KCNH1: variants seen among roughly 807,000 people sequenced by gnomAD.
KCNH1 encodes voltage-gated delayed rectifier potassium channel KCNH1.
KCNH1 carries 27 observed loss-of-function variants against 69.2 expected under a neutral mutation model. That is an observed-to-expected ratio of 0.39 (90% CI 0.29 to 0.54). The LOEUF is 0.54. Ranked by LOEUF, KCNH1 falls within the 20% of genes least tolerant of loss-of-function variation. KCNH1 has a pLI of 0.68. For synonymous variants in KCNH1, 456 were observed against 487.7 expected, an observed-to-expected ratio of 0.93 and a Z score of 0.86; for missense variants, 798 against 1,261.6, an observed-to-expected ratio of 0.63 and a Z score of 5.57.
At chr1:210,974,365 A>T (rs1688563576) in intron 6 of KCNH1, among the ~76,000 whole-genome samples, 1 of 152,092 alleles carries the variant, frequency 6.6e-6, no homozygotes, top group African/African-American at 2.4e-5. Context: ...TGTATTCCTC[A>T]GATAAATCTC....
intron 7 of KCNH1, among the ~76,000 whole-genome samples, chr1:210,827,086 C>A (rs1685047779): frequency 6.6e-6 from 1 of 152,198 alleles, no homozygotes; most frequent in Non-Finnish European, 1.5e-5. Flanking sequence ...GCCTGTAATC[C>A]CAGTATTTTG....
At chr1:210,770,779 G>C (rs1683738691) in intron 10 of KCNH1, among the ~76,000 whole-genome samples, 1 of 152,226 alleles carries the variant, frequency 6.6e-6, no homozygotes, top group African/African-American at 2.4e-5. Flanking sequence ...AGCTACTCCT[G>C]AAAAGTTAAC....
At chr1:210,730,056 G>A (rs1682707183) in intron 10 of KCNH1, among the ~76,000 whole-genome samples, 1 of 152,162 alleles carries the variant, frequency 6.6e-6, no homozygotes, top group African/African-American at 2.4e-5. Context: ...TAAAGCCAAT[G>A]TCTTACTCTA....
rs35891554 is a variant in KCNH1, at chr1:211,020,945, T to TAAA, written c.559-1692_559-1690dup. ...GATAAAATTCGATATCCTTTCATGA[T>TAAA]AAAAAAAACTCAACAAATGAGGTAT... On this transcript the variant is annotated intron_variant, in intron 5 of 10. Transcript: ENST00000271751. 6.9e-4 allele frequency among the ~76,000 whole-genome samples: 105 copies of TAAA among 151,968 alleles called. 2 individuals carry two copies. The East Asian group carries it at 0.014, about 20-fold the overall frequency.
At chr1:211,094,784 G>A (rs2102476588) in intron 3 of KCNH1, among the ~76,000 whole-genome samples, 1 of 152,272 alleles carries the variant, frequency 6.6e-6, no homozygotes, top group African/African-American at 2.4e-5. Context: ...TGAGTAGAAT[G>A]GGCTTAAATT....
At chr1:210,948,047 A>C (rs529799859) in intron 6 of KCNH1, among the ~76,000 whole-genome samples, 1 of 140,540 alleles carries the variant, frequency 7.1e-6, no homozygotes, top group East Asian at 2.0e-4. Flanking sequence ...ATCCCTATTA[A>C]AAAAAAAAAA....
chr1:211,064,645 A>G (rs1690495822), intron 5 of KCNH1, among the ~76,000 whole-genome samples: 1 of 152,148 alleles, frequency 6.6e-6, no homozygotes, highest in Non-Finnish European at 1.5e-5. Flanking sequence ...ATACAATTAT[A>G]TCAAGCTAAA....
intron 6 of KCNH1, among the ~76,000 whole-genome samples, chr1:210,928,705 G>A (rs1051648433): frequency 1.3e-5 from 2 of 151,894 alleles, no homozygotes; most frequent in African/African-American, 2.4e-5. Flanking sequence ...AACAAAGATA[G>A]AGCAGAACTA....
At chr1:211,050,637 T>G (rs916504379) in intron 5 of KCNH1, among the ~76,000 whole-genome samples, 1 of 152,338 alleles carries the variant, frequency 6.6e-6, no homozygotes, top group Middle Eastern at 3.4e-3. Context: ...TCAGTTGTAT[T>G]CTTTTAACTT....
chr1:210,971,039 GAAAGCTC>G (rs1172131466), intron 6 of KCNH1, among the ~76,000 whole-genome samples: 2 of 152,060 alleles, frequency 1.3e-5, no homozygotes, highest in African/African-American at 4.8e-5. Context: ...AAACATGAAA[GAAAGCTC>G]AACATCACTG....
At chr1:210,742,322 C>CCCTTCATT (rs1175531094) in intron 10 of KCNH1, among the ~76,000 whole-genome samples, 22 of 152,272 alleles carry the variant, frequency 1.4e-4, no homozygotes, top group Middle Eastern at 3.4e-3. Flanking sequence ...TCAAAGGATT[C>CCCTTCATT]CCTTCATTCC....
At chr1:211,066,913 A>AC (rs1322540019) in intron 5 of KCNH1, among the ~76,000 whole-genome samples, 1 of 151,906 alleles carries the variant, frequency 6.6e-6, no homozygotes, top group Non-Finnish European at 1.5e-5. Context: ...TGGAATACCC[A>AC]CCCCCCAGGA....
intron 5 of KCNH1, among the ~76,000 whole-genome samples, chr1:211,036,001 C>T (rs1191953490): frequency 6.6e-6 from 1 of 152,182 alleles, no homozygotes; most frequent in Non-Finnish European, 1.5e-5. Flanking sequence ...GGTCTAGGTT[C>T]CACTGCTTGC....
At chr1:210,704,988 G>A (rs1055961994) in intron 10 of KCNH1, among the ~76,000 whole-genome samples, 15 of 152,200 alleles carry the variant, frequency 9.9e-5, no homozygotes, top group Non-Finnish European at 1.9e-4. Context: ...TGGGAGGGTT[G>A]GGTGGAGGTA....
At chr1:210,885,966 G>C (rs1342131288) in intron 7 of KCNH1, among the ~76,000 whole-genome samples, 1 of 152,144 alleles carries the variant, frequency 6.6e-6, no homozygotes, top group African/African-American at 2.4e-5. Context: ...TGTGGGCACA[G>C]GTTCAGTAGA....
At chr1:210,910,277 C>CAAAAAA (rs373832448) in intron 7 of KCNH1, among the ~76,000 whole-genome samples, 1 of 102,774 alleles carries the variant, frequency 9.7e-6, no homozygotes, top group African/African-American at 3.8e-5. Context: ...CATCAAGCAC[C>CAAAAAA]AAAAAAAAAA....
chr1:211,072,840 T>C (rs1369227542), intron 5 of KCNH1, among the ~76,000 whole-genome samples: 1 of 151,968 alleles, frequency 6.6e-6, no homozygotes, highest in Non-Finnish European at 1.5e-5. Flanking sequence ...GGGCAATGAA[T>C]AGAAAAAAGC....
intron 7 of KCNH1, among the ~76,000 whole-genome samples, chr1:210,876,006 G>T (rs908399658): frequency 6.6e-6 from 1 of 152,012 alleles, no homozygotes; most frequent in African/African-American, 2.4e-5. Context: ...AATAAATGGA[G>T]AAATAAATCA....
intron 4 of KCNH1, among the ~76,000 whole-genome samples, chr1:211,089,299 A>G (rs1208895020): frequency 3.3e-5 from 5 of 152,212 alleles, no homozygotes; most frequent in African/African-American, 4.8e-5. Context: ...GAAATCTTCA[A>G]ATTAGAAACT....
Sources: gnomAD v4.1 joint callset for allele counts (sites outside exome capture counted in the v4.1 genomes callset) on GRCh38, gnomAD v4.1.1 for gene constraint, MANE v1.5 for transcripts, NCBI Gene and HGNC (gene_info 2026-07-23, HGNC 2026-07-21) for gene names.